SUCO: variants seen among roughly 807,000 people sequenced by gnomAD.
SUCO encodes the protein SUN domain containing ossification factor.
A neutral mutation model predicts 148.1 loss-of-function variants in SUCO; 57 were observed. That is an observed-to-expected ratio of 0.38 (90% CI 0.31 to 0.48). The LOEUF is 0.48. Ranked by LOEUF, SUCO falls within the 20% of genes least tolerant of loss-of-function variation. SUCO has a pLI of 0.96. For missense variants in SUCO, 1,331 were observed against 1,468.2 expected (o/e 0.91, Z 1.53); for synonymous variants, 470 against 502.7 (o/e 0.93, Z 0.87).
chr1:172,600,526 C>A (rs1657429520), intron 20 of SUCO, among the ~76,000 whole-genome samples: 2 of 152,060 alleles, frequency 1.3e-5, no homozygotes, highest in South Asian at 4.1e-4. Flanking sequence ...TTTTATTGAG[C>A]ATCTAGTGTA....
At chr1:172,543,080 T>A (rs1188271494) in intron 1 of SUCO, 6 of 916,520 alleles carry the variant, frequency 6.5e-6, no homozygotes, top group Non-Finnish European at 7.8e-6. Flanking sequence ...TTCATACTTG[T>A]ATGCTGCAAC....
intron 1 of SUCO, chr1:172,543,023 G>A (rs1341474304): frequency 4.1e-6 from 4 of 984,314 alleles, no homozygotes; most frequent in African/African-American, 1.8e-5. Flanking sequence ...GTAGCCAGGA[G>A]ATGTAGAAGA....
chr1:172,589,659 T>G lies in SUCO; in HGVS notation c.2558T>G (p.Leu853Trp). Residue 853 changes from leucine (L) to tryptophan (W), a missense_variant, in exon 18 of 24, where the codon TTG becomes TGG. Leu to Trp is a moderately conservative substitution (Grantham distance 61). This residue lies in a region of SUCO where 992 missense variants were observed against 1,093.5 expected (regional missense o/e 0.91). Coordinates refer to ENST00000263688, the MANE Select transcript of SUCO (RefSeq NM_014283.5). ...MNIADTAKQT[L>W]ISVVDSSSLP... Reference sequence around the variant, plus strand: ...ATAGCTGACACAGCAAAGCAAACTTTGATTTCTGTTGTGGATTCTTCTTCA... The same window carrying G: ...ATAGCTGACACAGCAAAGCAAACTTGGATTTCTGTTGTGGATTCTTCTTCA... 2 of 1,613,888 alleles carry G rather than the reference T, an allele frequency of 1.2e-6. No homozygotes were observed. The highest frequency in any genetic ancestry group is 1.7e-6 in the Non-Finnish European group (2 of 1,179,878).
In SUCO at chr1:172,589,138, A is replaced by G. The variant is rs752352763; in HGVS notation, c.2037A>G (p.Gln679=). 61 of 1,613,668 alleles carry G rather than the reference A, an allele frequency of 3.8e-5. No homozygotes were observed. The highest frequency in any genetic ancestry group is 5.0e-5 in the Non-Finnish European group (59 of 1,179,858). Residue 679 remains glutamine, a synonymous_variant, in exon 18 of 24, where the codon CAA becomes CAG. Transcript: ENST00000263688. ...AATCAGTAGATGTTTCAGTATTGCAACCTCTGAGTGGAGAATTGGAAAATA... is the reference window on the plus strand; with the variant it reads ...AATCAGTAGATGTTTCAGTATTGCAGCCTCTGAGTGGAGAATTGGAAAATA... The part of the protein sequence containing the change: ...PAESVDVSVL[Q]PLSGELENTN...
intron 19 of SUCO, chr1:172,599,505 G>C: frequency 1.9e-6 from 1 of 531,356 alleles, no homozygotes; most frequent in Non-Finnish European, 2.4e-6. Flanking sequence ...GGAAAGATAG[G>C]CATTTTTGAT....
chr1:172,569,602 C>A (rs1038375339), intron 7 of SUCO: 3 of 705,574 alleles, frequency 4.3e-6, no homozygotes, highest in African/African-American at 3.9e-5. Context: ...TAATTTATTC[C>A]CTGTGTGATG....
Position 172,589,229 on chromosome 1 carries a change from G to A in SUCO, c.2128G>A (p.Asp710Asn), listed in dbSNP as rs1656451524. 6.2e-7 allele frequency: 1 copy of A among 1,613,894 alleles called. No homozygotes were observed. ...TTTAAGTAGTAGTATGCACCAGGAT[G>A]ACTTGGTGAATCACACTGTAGATGC... The part of the protein sequence containing the change: ...GDLSSSMHQD[D>N]LVNHTVDAVE... The change falls in exon 18 of 24, where the codon GAC (aspartate) becomes AAC (asparagine). Residue 710 changes from aspartate (D) to asparagine (N), a missense_variant. Physicochemically the swap from Asp to Asn is conservative, Grantham distance 23 (BLOSUM62 1). This residue lies in a region of SUCO where 992 missense variants were observed against 1,093.5 expected (regional missense o/e 0.91). Coordinates refer to ENST00000263688, the MANE Select transcript of SUCO (RefSeq NM_014283.5).
intron 15 of SUCO, among the ~76,000 whole-genome samples, 155 bp from the exon 16 acceptor site, chr1:172,584,862 TG>T (rs2149257256): frequency 6.6e-6 from 1 of 152,380 alleles, no homozygotes; most frequent in South Asian, 2.1e-4. Flanking sequence ...AAAATTTATT[TG>T]TGTCCTATAT....
chr1:172,588,484 TTAAACAGA>T, intron 17 of SUCO: 1 of 985,242 alleles, frequency 1.0e-6, no homozygotes, highest in Non-Finnish European at 1.2e-6. Context: ...GAAACAATTC[TTAAACAGA>T]TTAAAAGAAA....
In SUCO at chr1:172,592,611, G is replaced by T. The variant is rs530426815; in HGVS notation, c.2913+1540G>T. Among the ~76,000 whole-genome samples, 3 of 152,150 alleles carry T rather than the reference G, an allele frequency of 2.0e-5. No individual in the cohort carries two copies. In the South Asian group the frequency reaches 6.2e-4, roughly 32 times the overall value. ...TAGATGTGTGGTATTATTTCTGAGG[G>T]TTCTGTTCTGTTCCATTGGTCTATA... On this transcript the variant is annotated intron_variant, in intron 19 of 23. Transcript: ENST00000263688.
intron 9 of SUCO, among the ~76,000 whole-genome samples, chr1:172,573,646 T>A (rs548962274): frequency 2.8e-4 from 42 of 151,790 alleles, no homozygotes; most frequent in East Asian, 1.4e-3. Flanking sequence ...AAGGAATTTT[T>A]AAAAAAAAAT....
At chr1:172,534,985 T>C (rs1651906448) in intron 1 of SUCO, among the ~76,000 whole-genome samples, 2 of 152,250 alleles carry the variant, frequency 1.3e-5, no homozygotes, top group African/African-American at 4.8e-5. Flanking sequence ...AATTGGATGG[T>C]GTAAACGAAA....
At chr1:172,594,279 C>T (rs1334752655) in intron 19 of SUCO, among the ~76,000 whole-genome samples, 3 of 151,518 alleles carry the variant, frequency 2.0e-5, no homozygotes, top group Admixed American at 6.6e-5. Context: ...TCTCTGTCTC[C>T]TTCAGTTCTG....
intron 23 of SUCO, 67 bp downstream of exon 23, chr1:172,608,869 AAAGGTTT>A: frequency 8.9e-7 from 1 of 1,127,208 alleles, no homozygotes; most frequent in Non-Finnish European, 1.3e-6. Flanking sequence ...AAAGAGGTTG[AAAGGTTT>A]AAGGTAATTA....
At chr1:172,565,539 A>C (rs544293105) in intron 6 of SUCO, among the ~76,000 whole-genome samples, 4 of 152,130 alleles carry the variant, frequency 2.6e-5, no homozygotes, top group African/African-American at 9.7e-5. Flanking sequence ...GAGTGCCTGC[A>C]TTTCAGCCAA....
chr1:172,546,185 A>G (rs1280596278), intron 1 of SUCO, among the ~76,000 whole-genome samples: 9 of 152,226 alleles, frequency 5.9e-5, no homozygotes, highest in South Asian at 2.1e-4. Context: ...AAATTTGTCC[A>G]TACTCTTGGA....
At chr1:172,550,957 A>G (rs1298270292) in intron 1 of SUCO, 4 of 770,066 alleles carry the variant, frequency 5.2e-6, no homozygotes, top group Admixed American at 6.3e-5. Flanking sequence ...CTCCTTTGGT[A>G]TGTTCCTAGA....
rs776650677 is a variant in SUCO, at chr1:172,553,287, G to A, written c.205G>A (p.Glu69Lys). Reference sequence around the variant, plus strand: ...TGAAAGAGAGGGACCTATCAATGCCGAATCATTGGGAAAATCAGGTTCAAA... The same window carrying A: ...TGAAAGAGAGGGACCTATCAATGCCAAATCATTGGGAAAATCAGGTTCAAA... ...KDEREGPINAESLGKSGSNLP... is the reference protein window; with the variant it reads ...KDEREGPINAKSLGKSGSNLP... Residue 69 changes from glutamate to lysine, a missense_variant, in exon 3 of 24, where the codon GAA becomes AAA. Glu to Lys is a moderately conservative substitution (Grantham distance 56). Coordinates refer to ENST00000263688, the MANE Select transcript of SUCO (RefSeq NM_014283.5). The A allele has an allele frequency of 1.3e-5, 21 of 1,594,980 alleles. No individual in the cohort carries two copies. The highest frequency in any genetic ancestry group is 3.4e-5 in the South Asian group (3 of 88,860).
At chr1:172,533,558 AG>A in intron 1 of SUCO, 61 bp downstream of exon 1, 7 of 1,462,448 alleles carry the variant, frequency 4.8e-6, no homozygotes, top group Non-Finnish European at 6.4e-6. Context: ...GGAGCAGCCC[AG>A]GTCACACCCC....
Sources: allele counts gnomAD v4.1 joint callset (sites outside exome capture counted in the v4.1 genomes callset), GRCh38; gene constraint gnomAD v4.1.1; regional missense constraint gnomAD v4.1.1; transcripts MANE v1.5; gene names NCBI Gene and HGNC (gene_info 2026-07-23, HGNC 2026-07-21).